Variants in SLC30A8 observed in about 807,000 individuals in gnomAD.
The protein encoded by SLC30A8 is proton-coupled zinc antiporter SLC30A8.
Under a neutral mutation model 36.9 loss-of-function variants are expected in SLC30A8, and 27 were observed. The ratio of observed to expected loss-of-function variants is 0.73; its 90% CI spans 0.54 to 1.01. The LOEUF is 1.01. SLC30A8 is among the 50% of genes least tolerant of loss of function. The pLI is 0.00. For synonymous variants in SLC30A8, 164 were observed against 172.4 expected (o/e 0.95, Z 0.38); for missense variants, 439 against 452.0 (o/e 0.97, Z 0.26).
At chr8:117,009,441 C>T (rs1816276406) in intron 1 of SLC30A8, among the ~76,000 whole-genome samples, 1 of 152,110 alleles carries the variant, frequency 6.6e-6, no homozygotes. Flanking sequence ...ACAAATTGCT[C>T]TTTGTTTTTT....
At chr8:117,118,560 C>G (rs1301122140) in intron 2 of SLC30A8, among the ~76,000 whole-genome samples, 1 of 151,724 alleles carries the variant, frequency 6.6e-6, no homozygotes, top group Non-Finnish European at 1.5e-5. Flanking sequence ...AACCACGGAG[C>G]ATTCTTAATG....
chr8:116,995,088 A>G (rs1368677665), intron 1 of SLC30A8, among the ~76,000 whole-genome samples: 2 of 152,144 alleles, frequency 1.3e-5, no homozygotes, highest in Non-Finnish European at 2.9e-5. Context: ...TAAATGTAAC[A>G]TAAAACAGAT....
intron 1 of SLC30A8, among the ~76,000 whole-genome samples, chr8:116,990,692 C>A (rs1057089425): frequency 6.6e-6 from 1 of 152,102 alleles, no homozygotes; most frequent in Admixed American, 6.6e-5. Context: ...CAAATAAAGT[C>A]TGAAATTGAG....
intron 4 of SLC30A8, among the ~76,000 whole-genome samples, chr8:117,160,222 C>T (rs1337557629): frequency 6.6e-6 from 1 of 152,250 alleles, no homozygotes; most frequent in Non-Finnish European, 1.5e-5. Flanking sequence ...GTTATAAATA[C>T]AGCCTTAAGG....
intron 2 of SLC30A8, among the ~76,000 whole-genome samples, chr8:117,060,632 C>T (rs903281312): frequency 6.6e-6 from 1 of 152,180 alleles, no homozygotes; most frequent in African/African-American, 2.4e-5. Context: ...ATTCTTCCTT[C>T]CATTTCCCTA....
rs1235668999 is a variant in SLC30A8 at position 117,173,580 on chromosome 8, T to C, written c.*899T>C. ...TTGTGCTAGACATTGGGCTTAGCAT[T>C]GAAACTATAAAGAGGAATCAGACGC... On this transcript the variant is annotated 3_prime_UTR_variant, in exon 8 of 8. Coordinates refer to ENST00000456015, the MANE Select transcript of SLC30A8 (RefSeq NM_173851.3). 1 of 152,178 alleles carries C rather than the reference T, an allele frequency of 6.6e-6. No individual in the cohort carries two copies. The highest frequency in any genetic ancestry group is 2.4e-5 in the African/African-American group (1 of 41,460). The allele number at this position is 152,178 out of a possible 1,614,324, so 9.4% of individuals were successfully genotyped here. A position where few individuals can be genotyped will look rare whatever the true frequency, so the allele number is the denominator to read the frequency against.
chr8:117,025,704 A>G (rs559910523), intron 1 of SLC30A8, among the ~76,000 whole-genome samples: 1 of 152,276 alleles, frequency 6.6e-6, no homozygotes, highest in Admixed American at 6.5e-5. Flanking sequence ...TTGCCTTTTC[A>G]CAGGAACCAC....
chr8:117,110,678 A>G (rs537249707), intron 2 of SLC30A8, among the ~76,000 whole-genome samples: 77 of 152,320 alleles, frequency 5.1e-4, no homozygotes, highest in African/African-American at 1.8e-3. Context: ...CTGCAGAGCT[A>G]GAAGTGAGTG....
intron 1 of SLC30A8, among the ~76,000 whole-genome samples, chr8:117,002,371 T>C (rs945192744): frequency 2.6e-5 from 4 of 152,196 alleles, no homozygotes; most frequent in African/African-American, 9.6e-5. Context: ...ATGCCTTAAG[T>C]TGACATCCGA....
chr8:116,998,810 T>G (rs1010913186), intron 1 of SLC30A8, among the ~76,000 whole-genome samples: 7 of 152,178 alleles, frequency 4.6e-5, no homozygotes, highest in African/African-American at 1.7e-4. Context: ...CAGCAGAAGT[T>G]AGCAGAGAGA....
chr8:117,129,494 GTT>G (rs989738593), intron 2 of SLC30A8, among the ~76,000 whole-genome samples: 4 of 151,952 alleles, frequency 2.6e-5, no homozygotes, highest in Non-Finnish European at 5.9e-5. Context: ...GGATGTCTGA[GTT>G]TATTATTCAC....
intron 2 of SLC30A8, among the ~76,000 whole-genome samples, chr8:117,058,742 T>C (rs1817943633): frequency 6.6e-6 from 1 of 152,250 alleles, no homozygotes; most frequent in Non-Finnish European, 1.5e-5. Flanking sequence ...AAGAAGTTTC[T>C]GTGGCACACA....
At chr8:117,008,044 C>T (rs1054027652) in intron 1 of SLC30A8, among the ~76,000 whole-genome samples, 8 of 152,010 alleles carry the variant, frequency 5.3e-5, no homozygotes, top group South Asian at 2.1e-4. Flanking sequence ...AATGAGCAAC[C>T]GATAAGAGGC....
intron 2 of SLC30A8, among the ~76,000 whole-genome samples, chr8:117,044,626 G>T (rs1249145977): frequency 2.0e-5 from 3 of 152,158 alleles, no homozygotes; most frequent in Non-Finnish European, 4.4e-5. Flanking sequence ...CAGAGAAAAG[G>T]TTTATCTTTG....
At position 116,961,948 on chromosome 8, in the gene SLC30A8, G is replaced by A. The variant is rs148017425; in HGVS notation, c.-266+10829G>A. On this transcript the variant is annotated intron_variant, in intron 1 of 10. Transcript: ENST00000427715. Reference sequence around the variant, plus strand: ...CTTCTAGGCCCCACATCCCAACACCGTTGCATTAGGGATTAAGTTTCTAAC... The same window carrying A: ...CTTCTAGGCCCCACATCCCAACACCATTGCATTAGGGATTAAGTTTCTAAC... Among the ~76,000 whole-genome samples the A allele has an allele frequency of 5.6e-3, 848 of 151,956 alleles. 4 individuals are homozygous for A. Among genetic ancestry groups the A allele is most frequent in the African/African-American group, 0.019 (791 of 41,508 alleles).
At chr8:117,108,320 G>C (rs1245355812) in intron 2 of SLC30A8, among the ~76,000 whole-genome samples, 1 of 152,162 alleles carries the variant, frequency 6.6e-6, no homozygotes, top group Non-Finnish European at 1.5e-5. Context: ...GCCCCTACAT[G>C]ACAAGAATAA....
intron 1 of SLC30A8, among the ~76,000 whole-genome samples, chr8:116,978,168 C>A (rs1235841803): frequency 6.6e-6 from 1 of 152,078 alleles, no homozygotes; most frequent in East Asian, 1.9e-4. Flanking sequence ...ACATAAAAGT[C>A]CTGGTCTATC....
rs1250298733 is a variant in SLC30A8 at position 117,174,813 on chromosome 8, C to G, written c.*2132C>G. ...TGGCCCCAGGGTATTTCTGTTGTTT[C>G]CCTGAAATTCTGCTTTTTTAGTCAG... On this transcript the variant is annotated 3_prime_UTR_variant, in exon 8 of 8. Transcript: ENST00000456015. The G allele has an allele frequency of 6.6e-6, 1 of 152,454 alleles. No homozygotes were observed. The highest frequency in any genetic ancestry group is 1.9e-4 in the East Asian group (1 of 5,180). 9.4% of individuals were successfully genotyped at this position (152,454 alleles called of 1,614,324 possible).
At chr8:117,098,137 G>C (rs1819543420) in intron 2 of SLC30A8, among the ~76,000 whole-genome samples, 1 of 145,784 alleles carries the variant, frequency 6.9e-6, no homozygotes, top group Non-Finnish European at 1.5e-5. Flanking sequence ...TAGAAAAGAG[G>C]GAAAAAGAGG....
Sources: allele counts gnomAD v4.1 joint callset (sites outside exome capture counted in the v4.1 genomes callset), GRCh38; gene constraint gnomAD v4.1.1; transcripts MANE v1.5; gene names NCBI Gene and HGNC (gene_info 2026-07-23, HGNC 2026-07-21).